The following ANKFY1 variants were observed in gnomAD, a reference collection of about 807,000 sequenced individuals.
ANKFY1 encodes ankyrin repeat and FYVE domain-containing protein 1.
In ANKFY1, 47 loss-of-function variants were observed where a neutral mutation model predicts 128.3. The observed-to-expected ratio is 0.37, with a 90% CI of 0.29 to 0.47. ANKFY1 has a LOEUF of 0.47. ANKFY1 is among the 20% of genes least tolerant of loss of function. The pLI, the probability that ANKFY1 is intolerant of heterozygous loss-of-function variation, is 1.00. For missense variants in ANKFY1, 1,222 were observed against 1,510.6 expected (o/e 0.81, Z 3.17); for synonymous variants, 553 against 601.6 (o/e 0.92, Z 1.18).
At chr17:4,216,403 G>A (rs1211373833) in intron 4 of ANKFY1, 2 of 163,530 alleles carry the variant, frequency 1.2e-5, no homozygotes, top group African/African-American at 2.4e-5. Flanking sequence ...ATTATTTAGT[G>A]AACGTTTTGT....
chr17:4,175,377 A>G (rs2059394793), intron 19 of ANKFY1, among the ~76,000 whole-genome samples: 2 of 152,074 alleles, frequency 1.3e-5, no homozygotes, highest in African/African-American at 2.4e-5. Flanking sequence ...AAGGGACACA[A>G]AGAATTACAG....
Position 4,167,794 on chromosome 17 carries a change from C to T in ANKFY1, c.3495G>A (p.Leu1165=), listed in dbSNP as rs1409277223. The T allele has an allele frequency of 6.2e-7, 1 of 1,613,442 alleles. No individual in the cohort carries two copies. Among genetic ancestry groups the T allele is most frequent in the Non-Finnish European group, 8.5e-7 (1 of 1,179,676 alleles). The part of the protein sequence containing the change: ...VCNICFDVLT[L]GGVS ...GGGGGGCTCACTAAGAAACCCCACC[C>T]AGAGTCAGTACATCAAAACAAATGT... Residue 1165 remains leucine (L), a synonymous_variant, in exon 25 of 25, where the codon CTG becomes CTA. Transcript: ENST00000341657. This position sits in a 1 kb window ranked among gnomAD's most constrained non-coding sequence, Gnocchi z 4.1.
At position 4,164,242 on chromosome 17, in the gene ANKFY1, A is replaced by G. The variant is rs1186055911; in HGVS notation, c.*3537T>C. 1 of 152,696 alleles carries G rather than the reference A, an allele frequency of 6.5e-6. No homozygotes were observed. Among genetic ancestry groups the G allele is most frequent in the African/African-American group, 2.4e-5 (1 of 41,480 alleles). The allele number at this position is 152,696 out of a possible 1,614,324, so 9.5% of individuals were successfully genotyped here. A position where few individuals can be genotyped will look rare whatever the true frequency, so the allele number is the denominator to read the frequency against. On this transcript the variant is annotated 3_prime_UTR_variant, in exon 25 of 25. Transcript: ENST00000341657. ...AAGACTCCCTAGCTGCAGAAAACCAATGTTGTCAGTTGTAACAGGTTAATA... is the reference window on the plus strand; with the variant it reads ...AAGACTCCCTAGCTGCAGAAAACCAGTGTTGTCAGTTGTAACAGGTTAATA...
At chr17:4,192,415 T>C (rs1331357229) in intron 10 of ANKFY1, among the ~76,000 whole-genome samples, 2 of 151,804 alleles carry the variant, frequency 1.3e-5, no homozygotes, top group Non-Finnish European at 2.9e-5. Flanking sequence ...AGACTCCTAG[T>C]TGATGGTTAA....
At chr17:4,222,939 G>C (rs554675778) in intron 3 of ANKFY1, 9 of 1,251,870 alleles carry the variant, frequency 7.2e-6, no homozygotes, top group Non-Finnish European at 1.1e-5. Flanking sequence ...CTTGCGGATA[G>C]AGAAGAACGA....
At chr17:4,254,598 T>G (rs1037098662) in intron 1 of ANKFY1, among the ~76,000 whole-genome samples, 18 of 152,200 alleles carry the variant, frequency 1.2e-4, no homozygotes, top group African/African-American at 4.1e-4. Context: ...AAGAACACGT[T>G]TCTGTTGTTT....
chr17:4,168,921 A>G, intron 24 of ANKFY1: 2 of 435,510 alleles, frequency 4.6e-6, no homozygotes, highest in South Asian at 6.3e-5. Context: ...GCAGGCAGGA[A>G]GTCAGGAAGG....
intron 10 of ANKFY1, among the ~76,000 whole-genome samples, chr17:4,192,934 A>C (rs947352004): frequency 6.6e-6 from 1 of 152,192 alleles, no homozygotes; most frequent in Non-Finnish European, 1.5e-5. Flanking sequence ...ATGAAAAATG[A>C]AATATATCAA....
chr17:4,172,805 T>G lies in ANKFY1; in HGVS notation c.3015-125A>C, dbSNP rs2059345240. The stretch of plus-strand genomic sequence containing the variant: ...AAAGACACAAAACAAGTCACAAAAG[T>G]TTTTCTTTTTCTTATTTTGTATTTT... On this transcript the variant is annotated intron_variant, in intron 21 of 24. Coordinates refer to ENST00000341657, the MANE Select transcript of ANKFY1 (RefSeq NM_001330063.2). 26 of 1,308,070 alleles carry G rather than the reference T, an allele frequency of 2.0e-5. 1 individual carries two copies. In the South Asian group the frequency reaches 3.6e-4, roughly 18 times the overall value. 81.0% of individuals were successfully genotyped at this position (1,308,070 alleles called of 1,614,324 possible).
At chr17:4,182,570 T>A (rs1223050393) in intron 14 of ANKFY1, among the ~76,000 whole-genome samples, 1 of 152,258 alleles carries the variant, frequency 6.6e-6, no homozygotes, top group Non-Finnish European at 1.5e-5. Context: ...GGAGATAACA[T>A]CCCAGCGTGC....
In ANKFY1 at chr17:4,174,019, T is replaced by C. The variant is rs1380325267; in HGVS notation, c.2813A>G (p.His938Arg). 6.2e-7 allele frequency: 1 copy of C among 1,614,116 alleles called. No homozygotes were observed. The highest frequency in any genetic ancestry group is 2.2e-5 in the East Asian group (1 of 44,902). Residue 938 changes from histidine (H) to arginine (R), a missense_variant, in exon 20 of 25, where the codon CAT becomes CGT. Physicochemically the swap from His to Arg is conservative, Grantham distance 29. Transcript: ENST00000341657. The stretch of plus-strand genomic sequence containing the variant: ...AGCAAGATGGAGGGCAGTCTGGCGA[T>C]GCTTGGTTAATTCGTTCACTTTGGC... ...AGAKVNELTK[H>R]RQTALHLAAQ... is the part of the protein sequence containing the mutation.
intron 2 of ANKFY1, among the ~76,000 whole-genome samples, chr17:4,241,259 T>G (rs369981606): frequency 0.02 from 1,711 of 85,972 alleles, 7 homozygotes; most frequent in Non-Finnish European, 0.032. Context: ...CAGCTGAGCT[T>G]CTTCTTCTTC....
At chr17:4,175,670 A>T (rs1163470213) in intron 19 of ANKFY1, among the ~76,000 whole-genome samples, 1 of 152,064 alleles carries the variant, frequency 6.6e-6, no homozygotes, top group African/African-American at 2.4e-5. Context: ...CGCCCAGTCT[A>T]ATCACTGATC....
At chr17:4,202,494 C>T (rs374229873) in intron 7 of ANKFY1, among the ~76,000 whole-genome samples, 1 of 150,396 alleles carries the variant, frequency 6.6e-6, no homozygotes, top group Non-Finnish European at 1.5e-5. Flanking sequence ...GTCAGGAGAT[C>T]GAGACCATCC....
At position 4,235,920 on chromosome 17, in the gene ANKFY1, G is replaced by C. The variant is rs979290883; in HGVS notation, c.204-30C>G. On this transcript the variant is annotated intron_variant, in intron 2 of 24. Transcript: ENST00000341657. Reference sequence around the variant, plus strand: ...TGAAGAAAAAGATCCACATATATTAGAAAAATGTCATCATAACTAGGTATA... The same window carrying C: ...TGAAGAAAAAGATCCACATATATTACAAAAATGTCATCATAACTAGGTATA... 5 of 1,509,180 alleles carry C rather than the reference G, an allele frequency of 3.3e-6. No homozygotes were observed. The African/African-American group carries it at 6.9e-5, about 21-fold the overall frequency. 93.5% of individuals were successfully genotyped at this position (1,509,180 alleles called of 1,614,324 possible).
At chr17:4,239,239 A>G (rs7223579) in intron 2 of ANKFY1, among the ~76,000 whole-genome samples, 147 of 152,216 alleles carry the variant, frequency 9.7e-4, no homozygotes, top group Non-Finnish European at 1.5e-3. Context: ...GAGAAACTAA[A>G]TGATGGGCAT....
chr17:4,197,972 A>C (rs2059857287), intron 7 of ANKFY1, among the ~76,000 whole-genome samples: 2 of 152,110 alleles, frequency 1.3e-5, no homozygotes, highest in African/African-American at 2.4e-5. Flanking sequence ...TCTACTACAA[A>C]TACAAAACTA....
At chr17:4,187,759 C>A (rs1175021722) in intron 11 of ANKFY1, 1 of 152,466 alleles carries the variant, frequency 6.6e-6, no homozygotes, top group Non-Finnish European at 1.5e-5. Context: ...CCTCTGCCTC[C>A]CAGGTTCAAG....
chr17:4,247,143 GAAAA>G (rs1173358211), intron 1 of ANKFY1, among the ~76,000 whole-genome samples: 3 of 149,544 alleles, frequency 2.0e-5, no homozygotes. Context: ...AAAAGAAAAA[GAAAA>G]AAAAATGACT....
Sources: allele counts gnomAD v4.1 joint callset (sites outside exome capture counted in the v4.1 genomes callset), GRCh38; gene constraint gnomAD v4.1.1; non-coding constraint Gnocchi (gnomAD v3.1); transcripts MANE v1.5; gene names NCBI Gene and HGNC (gene_info 2026-07-23, HGNC 2026-07-21).